Variants in PBX1 observed in about 807,000 individuals in gnomAD.
PBX1 encodes the protein PBX homeobox 1.
In PBX1, 6 loss-of-function variants were observed where a neutral mutation model predicts 53.4. The observed-to-expected ratio is 0.11, with a 90% CI of 0.06 to 0.22. The LOEUF (loss-of-function observed/expected upper bound fraction) is 0.22, where lower values mean the gene tolerates loss of function less well. Among genes scored for constraint, PBX1 ranks in the 10% least tolerant of loss-of-function variants. The pLI, the probability that PBX1 is intolerant of heterozygous loss-of-function variation, is 1.00. For synonymous variants in PBX1, 204 were observed against 212.3 expected, an observed-to-expected ratio of 0.96 and a Z score of 0.34; for missense variants, 251 against 551.4, an observed-to-expected ratio of 0.46 and a Z score of 5.46.
chr1:164,777,297 C>T (rs112842428), intron 2 of PBX1, among the ~76,000 whole-genome samples: 4 of 152,112 alleles, frequency 2.6e-5, no homozygotes, highest in Admixed American at 6.5e-5. Context: ...GTGGCACGCA[C>T]CTGTAGTCAC....
At chr1:164,820,266 C>T in intron 7 of PBX1, 82 bp downstream of exon 7, 2 of 803,770 alleles carry the variant, frequency 2.5e-6, no homozygotes, top group Non-Finnish European at 4.2e-6. Flanking sequence ...CTGCTTCTGT[C>T]CAGAGAGAGA....
At chr1:164,576,307 G>T (rs1260696229) in intron 2 of PBX1, among the ~76,000 whole-genome samples, 1 of 152,174 alleles carries the variant, frequency 6.6e-6, no homozygotes, top group Non-Finnish European at 1.5e-5. Flanking sequence ...GGGTGGCCGC[G>T]AACCCCCTCG....
intron 2 of PBX1, among the ~76,000 whole-genome samples, chr1:164,656,828 A>T (rs1048152673): frequency 6.6e-6 from 1 of 152,108 alleles, no homozygotes; most frequent in African/African-American, 2.4e-5. Context: ...ATGATATTAT[A>T]ATATCCTATT....
intron 2 of PBX1, among the ~76,000 whole-genome samples, chr1:164,881,046 C>G (rs879562921): frequency 3.3e-5 from 5 of 152,188 alleles, no homozygotes; most frequent in Non-Finnish European, 5.9e-5. Flanking sequence ...TCCCAGTGCT[C>G]TCTGGCTCTG....
chr1:164,681,391 T>G (rs1661764571), intron 2 of PBX1, among the ~76,000 whole-genome samples: 1 of 152,162 alleles, frequency 6.6e-6, no homozygotes, highest in South Asian at 2.1e-4. Flanking sequence ...TCATAGGGAA[T>G]GAACACTAGA....
intron 2 of PBX1, among the ~76,000 whole-genome samples, chr1:164,598,906 CAG>C (rs1378209818): frequency 6.6e-6 from 1 of 152,088 alleles, no homozygotes; most frequent in East Asian, 1.9e-4. Context: ...TAAAAGAAAA[CAG>C]AGGCTCAGTT....
In PBX1 at chr1:164,847,692, T is replaced by C; in HGVS notation, c.*1016T>C. ...ACTTTCCCGAGATGCCATATACAAT[T>C]ACCTACATTAATAACTGTAGCACTA... On this transcript the variant is annotated 3_prime_UTR_variant, in exon 9 of 9. Transcript: ENST00000420696. 9.5e-7 allele frequency: 1 copy of C among 1,056,068 alleles called. No homozygotes were observed. Among genetic ancestry groups the C allele is most frequent in the Non-Finnish European group, 1.1e-6 (1 of 873,496 alleles). 65.4% of individuals were successfully genotyped at this position (1,056,068 alleles called of 1,614,324 possible). A position where few individuals can be genotyped will look rare whatever the true frequency, so the allele number is the denominator to read the frequency against.
chr1:164,638,231 C>T (rs1658903351), intron 2 of PBX1, among the ~76,000 whole-genome samples: 1 of 152,212 alleles, frequency 6.6e-6, no homozygotes, highest in Non-Finnish European at 1.5e-5. Context: ...GATTTCTGCG[C>T]CTCTTCCTGT....
intron 1 of PBX1, among the ~76,000 whole-genome samples, chr1:164,561,861 G>T (rs1459043395): frequency 6.6e-6 from 1 of 151,846 alleles, no homozygotes; most frequent in African/African-American, 2.4e-5. Context: ...ATTTTTGTTT[G>T]CATTTGGGCC....
intron 6 of PBX1, chr1:164,819,160 A>G (rs569758870): frequency 6.6e-6 from 1 of 152,038 alleles, no homozygotes; most frequent in Non-Finnish European, 1.5e-5. Flanking sequence ...GCAAGCCCTT[A>G]TGCTTAGGTT....
At chr1:164,738,528 G>A (rs1207149686) in intron 2 of PBX1, among the ~76,000 whole-genome samples, 1 of 152,160 alleles carries the variant, frequency 6.6e-6, no homozygotes, top group Non-Finnish European at 1.5e-5. Context: ...CAGACCTCAT[G>A]CAATTCTCCC....
intron 2 of PBX1, among the ~76,000 whole-genome samples, chr1:164,588,458 A>G (rs1655106127): frequency 1.5e-5 from 2 of 135,346 alleles, no homozygotes; most frequent in South Asian, 5.1e-4. Context: ...AAAGAGAAAT[A>G]CACTCCGGAC....
chr1:164,779,430 C>T (rs1347270443), intron 2 of PBX1, among the ~76,000 whole-genome samples: 1 of 152,118 alleles, frequency 6.6e-6, no homozygotes, highest in Admixed American at 6.5e-5. Flanking sequence ...GCAGCCCAGT[C>T]ACACTTTGTG....
chr1:164,594,854 G>A (rs141242729), intron 2 of PBX1, among the ~76,000 whole-genome samples: 84 of 152,156 alleles, frequency 5.5e-4, no homozygotes, highest in African/African-American at 1.9e-3. Context: ...TTACTAGACA[G>A]CACAGATCTA....
intron 2 of PBX1, among the ~76,000 whole-genome samples, chr1:164,671,997 T>C (rs1369792851): frequency 1.3e-5 from 2 of 151,812 alleles, no homozygotes; most frequent in Non-Finnish European, 2.9e-5. Context: ...TTTTTATTTA[T>C]TTTTCATGCA....
At chr1:164,872,136 G>A (rs1418572134) in intron 2 of PBX1, among the ~76,000 whole-genome samples, 2 of 152,178 alleles carry the variant, frequency 1.3e-5, no homozygotes, top group African/African-American at 4.8e-5. Context: ...TTTTACAGAT[G>A]ATTTGTGGGG....
chr1:164,578,324 A>G (rs1446864795), intron 2 of PBX1, among the ~76,000 whole-genome samples: 1 of 152,228 alleles, frequency 6.6e-6, no homozygotes, highest in Non-Finnish European at 1.5e-5. Flanking sequence ...TGTTGGTGAA[A>G]ACTCTTTATC....
In PBX1 at chr1:164,826,553, C is replaced by T. The variant is rs368618674; in HGVS notation, c.1200+4927C>T. Among the ~76,000 whole-genome samples the T allele has an allele frequency of 6.6e-5, 10 of 152,018 alleles. No homozygotes were observed. The South Asian group carries it at 2.1e-3, about 32-fold the overall frequency. On this transcript the variant is annotated intron_variant, in intron 8 of 8. Coordinates refer to ENST00000420696, the MANE Select transcript of PBX1 (RefSeq NM_002585.4). ...CTAAGTAGCCGGGATTACAGGTTTGCACCACCATGCCCAGCTAATTTTTGT... is the reference window on the plus strand; with the variant it reads ...CTAAGTAGCCGGGATTACAGGTTTGTACCACCATGCCCAGCTAATTTTTGT...
intron 8 of PBX1, among the ~76,000 whole-genome samples, chr1:164,835,139 G>A (rs1670970464): frequency 6.6e-6 from 1 of 151,608 alleles, no homozygotes; most frequent in Non-Finnish European, 1.5e-5. Context: ...TTCTTCTCAA[G>A]CATAACTTTA....
Sources: gnomAD v4.1 joint callset for allele counts (sites outside exome capture counted in the v4.1 genomes callset) on GRCh38, gnomAD v4.1.1 for gene constraint, MANE v1.5 for transcripts, NCBI Gene and HGNC (gene_info 2026-07-23, HGNC 2026-07-21) for gene names.